CPPED1: variants seen among roughly 807,000 people sequenced by gnomAD.
CPPED1 encodes serine/threonine-protein phosphatase CPPED1.
CPPED1 carries 28 observed loss-of-function variants against 28.0 expected under a neutral mutation model. The ratio of observed to expected loss-of-function variants is 1.00; its 90% CI spans 0.74 to 1.37. The LOEUF (loss-of-function observed/expected upper bound fraction) is 1.37. Among genes scored for constraint, CPPED1 ranks in the 40% most tolerant of loss-of-function variants. CPPED1 has a pLI of 0.00. For missense variants in CPPED1, 504 were observed against 416.5 expected (o/e 1.21, Z -1.83); for synonymous variants, 198 against 180.2 (o/e 1.10, Z -0.79).
chr16:12,676,631 G>A (rs1359271060), intron 3 of CPPED1, among the ~76,000 whole-genome samples: 1 of 152,132 alleles, frequency 6.6e-6, no homozygotes, highest in African/African-American at 2.4e-5. Context: ...AAAGATCACC[G>A]TGCCATAGGC....
At chr16:12,770,591 G>A (rs781754449) in intron 2 of CPPED1, among the ~76,000 whole-genome samples, 5 of 152,172 alleles carry the variant, frequency 3.3e-5, no homozygotes, top group African/African-American at 7.2e-5. Flanking sequence ...GGGAGGCCAA[G>A]ATGGGTGGAT....
At chr16:12,780,396 G>A (rs193205282) in intron 2 of CPPED1, among the ~76,000 whole-genome samples, 2 of 151,972 alleles carry the variant, frequency 1.3e-5, no homozygotes, top group Non-Finnish European at 2.9e-5. Context: ...GGCTAGTCTC[G>A]AACACCTGAG....
chr16:12,728,542 G>A (rs1402388844), intron 2 of CPPED1, among the ~76,000 whole-genome samples: 1 of 151,882 alleles, frequency 6.6e-6, no homozygotes, highest in Non-Finnish European at 1.5e-5. Context: ...TGCCCAGAAA[G>A]TCACTCTACA....
intron 2 of CPPED1, among the ~76,000 whole-genome samples, chr16:12,752,303 A>T (rs979193893): frequency 6.6e-6 from 1 of 152,164 alleles, no homozygotes; most frequent in Non-Finnish European, 1.5e-5. Context: ...TTATGACATA[A>T]ACTGGCTCCT....
chr16:12,733,839 C>T (rs1406373488), intron 2 of CPPED1, among the ~76,000 whole-genome samples: 2 of 152,134 alleles, frequency 1.3e-5, no homozygotes, highest in Non-Finnish European at 2.9e-5. Context: ...CTTTGTAAAA[C>T]TTGCTGGGTA....
chr16:12,774,195 G>A (rs376953543), intron 2 of CPPED1, among the ~76,000 whole-genome samples: 2 of 152,156 alleles, frequency 1.3e-5, no homozygotes, highest in East Asian at 3.8e-4. Flanking sequence ...TCCAAGCTGG[G>A]TTCAGTGACT....
chr16:12,659,858 A>C lies in CPPED1; in HGVS notation c.*5028T>G, dbSNP rs2141159303. The C allele has an allele frequency of 6.5e-6, 1 of 152,724 alleles. No individual in the cohort carries two copies. The highest frequency in any genetic ancestry group is 1.5e-5 in the Non-Finnish European group (1 of 68,354). The allele number at this position is 152,724 out of a possible 1,614,324, so 9.5% of individuals were successfully genotyped here. A position where few individuals can be genotyped will look rare whatever the true frequency, so the allele number is the denominator to read the frequency against. On this transcript the variant is annotated 3_prime_UTR_variant, in exon 4 of 4. Transcript: ENST00000381774. ...AGTTCCGCATGGCTGGGGAGGCCTC[A>C]GGAAACTTACAATCCTGGTGGAAGG...
intron 2 of CPPED1, among the ~76,000 whole-genome samples, chr16:12,715,184 G>T (rs2080101015): frequency 6.6e-6 from 1 of 152,070 alleles, no homozygotes; most frequent in African/African-American, 2.4e-5. Context: ...ATAGTGTTTT[G>T]ATGACTGCAG....
At position 12,662,014 on chromosome 16, in the gene CPPED1, A is replaced by T. The variant is rs1213766272; in HGVS notation, c.*2872T>A. ...GACAGGACAGTGTTATGGAGCATGG[A>T]CTCAAGCCTTGGGCCATCTACATCC... On this transcript the variant is annotated 3_prime_UTR_variant, in exon 4 of 4. Transcript: ENST00000381774. The T allele has an allele frequency of 6.6e-6, 1 of 152,208 alleles. No individual in the cohort carries two copies. Among genetic ancestry groups the T allele is most frequent in the East Asian group, 1.9e-4 (1 of 5,198 alleles). The allele number at this position is 152,208 out of a possible 1,614,324, so 9.4% of individuals were successfully genotyped here.
intron 2 of CPPED1, among the ~76,000 whole-genome samples, chr16:12,720,157 A>G (rs1190542432): frequency 6.6e-6 from 1 of 152,158 alleles, no homozygotes; most frequent in Non-Finnish European, 1.5e-5. Context: ...CGAGAGAGAT[A>G]CGCTCTTGGT....
chr16:12,738,264 A>G (rs1049621307), intron 2 of CPPED1, among the ~76,000 whole-genome samples: 3 of 152,156 alleles, frequency 2.0e-5, no homozygotes, highest in Non-Finnish European at 4.4e-5. Flanking sequence ...AACCGCAAAT[A>G]ATGTAGGAAC....
intron 2 of CPPED1, among the ~76,000 whole-genome samples, chr16:12,755,674 ATAAAGT>A (rs1372678974): frequency 6.6e-6 from 1 of 152,234 alleles, no homozygotes. Context: ...TACGCATACA[ATAAAGT>A]TAATTTACTC....
chr16:12,730,615 C>A (rs1432328980), intron 2 of CPPED1, among the ~76,000 whole-genome samples: 1 of 152,126 alleles, frequency 6.6e-6, no homozygotes, highest in African/African-American at 2.4e-5. Flanking sequence ...GGCTATAACA[C>A]AGAACCAATT....
At chr16:12,777,357 C>T (rs1236986163) in intron 2 of CPPED1, among the ~76,000 whole-genome samples, 2 of 152,172 alleles carry the variant, frequency 1.3e-5, no homozygotes, top group Admixed American at 6.5e-5. Context: ...GTCAGCTTCA[C>T]ACGTAATTGC....
intron 3 of CPPED1, among the ~76,000 whole-genome samples, chr16:12,677,568 G>T (rs547071481): frequency 2.0e-5 from 3 of 152,326 alleles, no homozygotes; most frequent in Admixed American, 2.0e-4. Flanking sequence ...CTTGAACCTG[G>T]GAGGCAGAGG....
At chr16:12,705,072 C>T (rs769929908) in intron 2 of CPPED1, 23 bp from the exon 3 acceptor site, 2 of 1,582,434 alleles carry the variant, frequency 1.3e-6, no homozygotes, top group African/African-American at 1.4e-5. Context: ...GGGTCACGTC[C>T]TGAGAAAGCC....
rs72779023 is a variant in CPPED1 at position 12,682,856 on chromosome 16, G to T, written c.716-17741C>A. 6.6e-6 allele frequency among the ~76,000 whole-genome samples: 1 copy of T among 152,150 alleles called. No individual in the cohort carries two copies. Among genetic ancestry groups the T allele is most frequent in the Non-Finnish European group, 1.5e-5 (1 of 68,022 alleles). ...TGGCAGCTTGCGTGTGAAATGGAGC[G>T]TGGGGCCCACATTAAGGTTTCAATC... is the stretch of plus-strand genomic sequence containing the variant. On this transcript the variant is annotated intron_variant, in intron 3 of 3. Coordinates refer to ENST00000381774, the MANE Select transcript of CPPED1 (RefSeq NM_018340.3). The surrounding 1 kb of genome is among the most constrained non-coding windows in gnomAD (Gnocchi z 6.1).
chr16:12,697,580 A>T (rs2079998548), intron 3 of CPPED1, among the ~76,000 whole-genome samples: 2 of 152,216 alleles, frequency 1.3e-5, no homozygotes, highest in African/African-American at 4.8e-5. Flanking sequence ...TCACCCTGTA[A>T]TGGGAACATT....
At chr16:12,718,923 A>G (rs2080122659) in intron 2 of CPPED1, among the ~76,000 whole-genome samples, 1 of 152,146 alleles carries the variant, frequency 6.6e-6, no homozygotes. Context: ...AGATCCTTCC[A>G]CTGCACTCCA....
Sources: allele counts gnomAD v4.1 joint callset (sites outside exome capture counted in the v4.1 genomes callset), GRCh38; gene constraint gnomAD v4.1.1; non-coding constraint Gnocchi (gnomAD v3.1); transcripts MANE v1.5; gene names NCBI Gene and HGNC (gene_info 2026-07-23, HGNC 2026-07-21).